Variants in COPZ1 observed in about 807,000 individuals in gnomAD.
COPZ1 encodes coat protein complex I subunit zeta 1, also known as coatomer subunit zeta-1.
Under a neutral mutation model 31.7 loss-of-function variants are expected in COPZ1, and 4 were observed. That is an observed-to-expected ratio of 0.13 (90% confidence interval 0.06 to 0.29). COPZ1 has a LOEUF of 0.29. Among genes scored for constraint, COPZ1 ranks in the 10% least tolerant of loss-of-function variants. The probability of loss-of-function intolerance (pLI) is 1.00; values close to 1 mark genes in which losing one functional copy is unlikely to be tolerated. For missense variants in COPZ1, 156 were observed against 211.5 expected, an observed-to-expected ratio of 0.74 and a Z score of 1.63; for synonymous variants, 74 against 79.0, an observed-to-expected ratio of 0.94 and a Z score of 0.33.
intron 1 of COPZ1, among the ~76,000 whole-genome samples, chr12:54,326,127 T>TAATAATAATAATAATAATA (rs1565586871): frequency 7.0e-6 from 1 of 142,130 alleles, no homozygotes; most frequent in African/African-American, 2.7e-5. Flanking sequence ...GGCCAGGAAT[T>TAATAATAATAATAATAATA]ATTATTATTA....
At chr12:54,350,282 G>C in intron 8 of COPZ1, 194 bp from the exon 9 acceptor site, 1 of 741,136 alleles carries the variant, frequency 1.3e-6, no homozygotes, top group South Asian at 1.4e-5. Context: ...CAGTGGGTTT[G>C]AATTTTTTTG....
At chr12:54,334,142 C>G (rs1953810997) in intron 1 of COPZ1, among the ~76,000 whole-genome samples, 1 of 151,890 alleles carries the variant, frequency 6.6e-6, no homozygotes, top group Admixed American at 6.6e-5. Context: ...GCCTGTAATC[C>G]TAGCACTTTG....
intron 5 of COPZ1, chr12:54,346,777 G>A (rs1265911458): frequency 1.6e-5 from 10 of 627,872 alleles, no homozygotes; most frequent in Non-Finnish European, 2.6e-5. Context: ...GATTGCTTGA[G>A]CCCAGGAGGT....
intron 1 of COPZ1, among the ~76,000 whole-genome samples, chr12:54,336,523 C>T (rs983007768): frequency 3.4e-5 from 5 of 149,010 alleles, no homozygotes; most frequent in African/African-American, 1.2e-4. Flanking sequence ...GGCGACAGAG[C>T]GAGACTCCGT....
chr12:54,342,200 G>C lies in COPZ1; in HGVS notation c.88-6G>C. 6.2e-7 allele frequency: 1 copy of C among 1,610,132 alleles called. No individual in the cohort carries two copies. Among genetic ancestry groups the C allele is most frequent in the Non-Finnish European group, 8.5e-7 (1 of 1,176,482 alleles). ...ACCCAACCCTGTCTTCTTTCCCTCT[G>C]ACCAGTACTATGACGACACCTACCC... is the stretch of plus-strand genomic sequence containing the variant. On this transcript the variant is annotated splice_polypyrimidine_tract_variant and splice_region_variant and intron_variant, in intron 2 of 8. Coordinates refer to ENST00000262061, the MANE Select transcript of COPZ1 (RefSeq NM_016057.3).
chr12:54,325,270 G>A, intron 1 of COPZ1, 89 bp downstream of exon 1: 1 of 1,478,116 alleles, frequency 6.8e-7, no homozygotes, highest in Non-Finnish European at 9.1e-7. Flanking sequence ...GGGAAAGAGA[G>A]TTCCGGGTAA....
rs923371029 is a variant in COPZ1, at chr12:54,351,157, T to G, written c.*634T>G. 1 of 154,358 alleles carries G rather than the reference T, an allele frequency of 6.5e-6. No homozygotes were observed. The highest frequency in any genetic ancestry group is 2.4e-5 in the African/African-American group (1 of 41,444). The allele number at this position is 154,358 out of a possible 1,614,324, so 9.6% of individuals were successfully genotyped here. On this transcript the variant is annotated 3_prime_UTR_variant, in exon 9 of 9. Transcript: ENST00000262061. ...TTTAAATTGTATTGAACAGGGCATA[T>G]AAAATGCATTCTGTACCCTGATCTG...
chr12:54,340,877 C>T (rs919975172), intron 2 of COPZ1, among the ~76,000 whole-genome samples: 3 of 151,870 alleles, frequency 2.0e-5, no homozygotes, highest in South Asian at 2.1e-4. Context: ...TTTTTTGTAT[C>T]TTTAGTAGAG....
chr12:54,326,124 A>AATAATAATTATTATTATTATT (rs1555152047), intron 1 of COPZ1, among the ~76,000 whole-genome samples: 4 of 139,170 alleles, frequency 2.9e-5, no homozygotes, highest in African/African-American at 1.1e-4. Flanking sequence ...CCTGGCCAGG[A>AATAATAATTATTATTATTATT]ATTATTATTA....
At chr12:54,337,380 A>T (rs560888218) in intron 1 of COPZ1, 17 of 507,856 alleles carry the variant, frequency 3.3e-5, no homozygotes, top group South Asian at 2.5e-4. Flanking sequence ...TGTGGCCCTA[A>T]GCTGATAAGG....
At chr12:54,347,423 C>T (rs1322207854) in intron 5 of COPZ1, among the ~76,000 whole-genome samples, 82 of 152,018 alleles carry the variant, frequency 5.4e-4, no homozygotes, top group Admixed American at 5.4e-3. Flanking sequence ...AGTCTTAGCT[C>T]TGTTTATATT....
At chr12:54,334,834 G>A (rs1487197661) in intron 1 of COPZ1, among the ~76,000 whole-genome samples, 1 of 152,050 alleles carries the variant, frequency 6.6e-6, no homozygotes, top group Non-Finnish European at 1.5e-5. Flanking sequence ...TTCAGCCTGG[G>A]CGACAGGGTG....
At chr12:54,348,182 A>G (rs1954096120) in intron 7 of COPZ1, 131 bp downstream of exon 7, 1 of 750,810 alleles carries the variant, frequency 1.3e-6, no homozygotes, top group African/African-American at 1.7e-5. Context: ...TTTCAAATAC[A>G]TTCAGCCTTT....
At position 54,350,749 on chromosome 12, in the gene COPZ1, A is replaced by C; in HGVS notation, c.*226A>C. The C allele has an allele frequency of 1.7e-6, 1 of 584,268 alleles. No individual in the cohort carries two copies. The highest frequency in any genetic ancestry group is 3.1e-6 in the Non-Finnish European group (1 of 325,430). The allele number at this position is 584,268 out of a possible 1,614,324, so 36.2% of individuals were successfully genotyped here. On this transcript the variant is annotated 3_prime_UTR_variant, in exon 9 of 9. Coordinates refer to ENST00000262061, the MANE Select transcript of COPZ1 (RefSeq NM_016057.3). ...AGTAAAGCTCCCAGCATATTTAGAT[A>C]ATAGGGCAGGGGAAGCACCCTCTTT...
intron 2 of COPZ1, among the ~76,000 whole-genome samples, chr12:54,340,882 G>T (rs1953962198): frequency 6.6e-6 from 1 of 152,066 alleles, no homozygotes. Flanking sequence ...TGTATCTTTA[G>T]TAGAGACAGG....
rs1354412827 is a variant in COPZ1 at position 54,349,633 on chromosome 12, C to T, written c.461C>T (p.Pro154Leu). 1.2e-6 allele frequency: 2 copies of T among 1,613,268 alleles called. No homozygotes were observed. The highest frequency in any genetic ancestry group is 8.5e-7 in the Non-Finnish European group (1 of 1,179,194). The change falls in exon 8 of 9, where the codon CCC becomes CTC. Residue 154 changes from proline (P) to leucine (L), a missense_variant. Pro to Leu is a moderately conservative substitution (Grantham distance 98, BLOSUM62 -3). Coordinates refer to ENST00000262061, the MANE Select transcript of COPZ1 (RefSeq NM_016057.3). Reference sequence around the variant, plus strand: ...TCTGTGCCATAGGGTGAAGATGTCCCCCTTACGGAGCAGACCGTGTCTCAG... The same window carrying T: ...TCTGTGCCATAGGGTGAAGATGTCCTCCTTACGGAGCAGACCGTGTCTCAG... ...HRVALRGEDV[P>L]LTEQTVSQVL...
chr12:54,349,706 G>C (rs1393318490), intron 8 of COPZ1, 48 bp downstream of exon 8: 2 of 1,420,942 alleles, frequency 1.4e-6, no homozygotes, highest in Non-Finnish European at 2.0e-6. Flanking sequence ...TCACTAAAGA[G>C]GCTAGAACAG....
intron 1 of COPZ1, among the ~76,000 whole-genome samples, chr12:54,340,205 A>G (rs1384030051): frequency 6.6e-6 from 1 of 152,178 alleles, no homozygotes; most frequent in African/African-American, 2.4e-5. Flanking sequence ...CCACCTGTAC[A>G]TGGGAGAGCA....
At chr12:54,334,146 C>T (rs1398617911) in intron 1 of COPZ1, among the ~76,000 whole-genome samples, 1 of 151,972 alleles carries the variant, frequency 6.6e-6, no homozygotes, top group Non-Finnish European at 1.5e-5. Flanking sequence ...GTAATCCTAG[C>T]ACTTTGGGAG....
Sources: allele counts gnomAD v4.1 joint callset (sites outside exome capture counted in the v4.1 genomes callset), GRCh38; gene constraint gnomAD v4.1.1; transcripts MANE v1.5; gene names NCBI Gene and HGNC (gene_info 2026-07-23, HGNC 2026-07-21).